ACAP2: variants seen among roughly 807,000 people sequenced by gnomAD.
ACAP2 encodes the protein arf-GAP with coiled-coil, ANK repeat and PH domain-containing protein 2.
ACAP2 carries 39 observed loss-of-function variants against 115.8 expected under a neutral mutation model. The ratio of observed to expected loss-of-function variants is 0.34; its 90% CI spans 0.26 to 0.44. The LOEUF is 0.44. ACAP2 is among the 20% of genes least tolerant of loss of function. The pLI is 1.00. For synonymous variants in ACAP2, 289 were observed against 315.8 expected (o/e 0.92, Z 0.90); for missense variants, 662 against 927.6 (o/e 0.71, Z 3.72).
intron 1 of ACAP2, among the ~76,000 whole-genome samples, chr3:195,412,607 C>T (rs562437854): frequency 5.9e-5 from 9 of 151,446 alleles, no homozygotes; most frequent in Admixed American, 6.6e-5. Flanking sequence ...CAAGACTCTA[C>T]CTCAAAAAAT....
intron 4 of ACAP2, among the ~76,000 whole-genome samples, chr3:195,380,454 T>C (rs1319835728): frequency 6.6e-6 from 1 of 152,180 alleles, no homozygotes; most frequent in Non-Finnish European, 1.5e-5. Flanking sequence ...TAAGCTGCCA[T>C]ATTTGCAGTA....
intron 20 of ACAP2, among the ~76,000 whole-genome samples, chr3:195,291,073 C>T (rs547004037): frequency 9.7e-4 from 147 of 152,160 alleles, no homozygotes; most frequent in Non-Finnish European, 1.8e-3. Flanking sequence ...TGCTTATCCA[C>T]CACATAATAA....
intron 1 of ACAP2, among the ~76,000 whole-genome samples, chr3:195,399,071 G>A (rs1473892450): frequency 6.6e-6 from 1 of 152,096 alleles, no homozygotes; most frequent in Non-Finnish European, 1.5e-5. Flanking sequence ...CATTACTTTT[G>A]CACCAATCTA....
chr3:195,416,922 A>G (rs1560349151), intron 1 of ACAP2, among the ~76,000 whole-genome samples: 1 of 151,224 alleles, frequency 6.6e-6, no homozygotes, highest in Non-Finnish European at 1.5e-5. Context: ...CAAGATCTCA[A>G]GTCTTTTTTT....
intron 4 of ACAP2, among the ~76,000 whole-genome samples, chr3:195,372,765 G>T (rs187557938): frequency 1.3e-5 from 2 of 152,032 alleles, no homozygotes; most frequent in Admixed American, 1.3e-4. Context: ...AGTGAGCTCT[G>T]ATCATACCAC....
chr3:195,306,867 C>A (rs73206677), intron 12 of ACAP2: 68,448 of 256,932 alleles, frequency 0.27, 10,972 homozygotes, highest in East Asian at 0.7. Context: ...AAAAAAAAAA[C>A]CACTTAAATT....
At chr3:195,390,067 G>A (rs1440461034) in intron 2 of ACAP2, among the ~76,000 whole-genome samples, 1 of 152,178 alleles carries the variant, frequency 6.6e-6, no homozygotes, top group Non-Finnish European at 1.5e-5. Context: ...ATAGTGGCGT[G>A]AGCCTGAGGT....
At chr3:195,327,033 C>A in intron 8 of ACAP2, 74 bp from the exon 9 acceptor site, 2 of 1,272,962 alleles carry the variant, frequency 1.6e-6, no homozygotes, top group Non-Finnish European at 2.2e-6. Flanking sequence ...TATTCCAAAT[C>A]ATTTCACAGA....
intron 1 of ACAP2, among the ~76,000 whole-genome samples, chr3:195,401,723 GT>G (rs1712316894): frequency 6.6e-6 from 1 of 152,132 alleles, no homozygotes; most frequent in East Asian, 1.9e-4. Flanking sequence ...AAAGCATTGA[GT>G]ACATAAGCAA....
chr3:195,289,123 G>A lies in ACAP2; in HGVS notation c.2172C>T (p.Thr724=), dbSNP rs1485899938. The change falls in exon 21 of 23, where the codon ACC becomes ACT. Residue 724 remains threonine, a splice_region_variant and synonymous_variant. Transcript: ENST00000326793. ...TCAAGTAAAAAGGAAGTACTTACAA[G>A]GTGACTATATCAGCATTGGCTGCTT... The part of the protein sequence containing the change: ...AVEAANADIV[T]LLRLARMNEE... The A allele has an allele frequency of 1.3e-5, 21 of 1,603,820 alleles. No individual in the cohort carries two copies. The East Asian group carries it at 4.2e-4, about 32-fold the overall frequency.
At chr3:195,328,787 A>G (rs1729970786) in intron 8 of ACAP2, among the ~76,000 whole-genome samples, 1 of 152,242 alleles carries the variant, frequency 6.6e-6, no homozygotes, top group Non-Finnish European at 1.5e-5. Flanking sequence ...TTGGTAAGAA[A>G]TGTCTCTTGC....
In ACAP2 at chr3:195,342,653, C is replaced by T; in HGVS notation, c.346G>A (p.Asp116Asn). 1 of 1,580,844 alleles carries T rather than the reference C, an allele frequency of 6.3e-7. No individual in the cohort carries two copies. The highest frequency in any genetic ancestry group is 1.2e-5 in the South Asian group (1 of 84,846). Residue 116 changes from aspartate to asparagine, a missense_variant and splice_region_variant, in exon 6 of 23, where the codon GAT (aspartate) becomes AAT (asparagine). Coordinates refer to ENST00000326793, the MANE Select transcript of ACAP2 (RefSeq NM_012287.6). Reference protein sequence around the residue: ...KAQLQNFVKEDLRKFKDAKKQ... With the variant: ...KAQLQNFVKENLRKFKDAKKQ... ...TTGGCATCTTTGAATTTTCTAAGAT[C>T]TCTAAGAAAAGAAAAACTTAGTGAA... is the stretch of plus-strand genomic sequence containing the variant.
intron 1 of ACAP2, among the ~76,000 whole-genome samples, chr3:195,438,291 G>T (rs1412029125): frequency 1.3e-5 from 2 of 151,546 alleles, no homozygotes; most frequent in African/African-American, 4.9e-5. Context: ...GCCTCCCAAA[G>T]TGCTAGGATT....
chr3:195,324,711 G>A (rs1040767789), intron 9 of ACAP2, among the ~76,000 whole-genome samples: 13 of 151,876 alleles, frequency 8.6e-5, no homozygotes, highest in Admixed American at 2.0e-4. Flanking sequence ...CAGAGATCGC[G>A]CCACTGCACT....
chr3:195,275,217 T>G lies in ACAP2; in HGVS notation c.*4111A>C, dbSNP rs1476858354. 2.0e-5 allele frequency: 3 copies of G among 152,478 alleles called. No individual in the cohort carries two copies. Among genetic ancestry groups the G allele is most frequent in the Non-Finnish European group, 4.4e-5 (3 of 68,016 alleles). 9.4% of individuals were successfully genotyped at this position (152,478 alleles called of 1,614,324 possible). On this transcript the variant is annotated 3_prime_UTR_variant, in exon 23 of 23. Transcript: ENST00000326793. ...AAATAAGAAAAGTTAGCAAATAAGA[T>G]AGTGAAAAGACCAATGCAGAGAAAA... is the stretch of plus-strand genomic sequence containing the variant.
At chr3:195,296,034 T>TA in intron 16 of ACAP2, 142 bp from the exon 17 acceptor site, 1 of 623,026 alleles carries the variant, frequency 1.6e-6, no homozygotes, top group Non-Finnish European at 2.7e-6. Flanking sequence ...ACATTATACA[T>TA]ATATATATTA....
intron 4 of ACAP2, among the ~76,000 whole-genome samples, chr3:195,361,118 C>T (rs1732337957): frequency 6.6e-6 from 1 of 151,980 alleles, no homozygotes; most frequent in African/African-American, 2.4e-5. Flanking sequence ...TCCTGAATGA[C>T]CAGTGGGTGA....
intron 1 of ACAP2, among the ~76,000 whole-genome samples, chr3:195,413,355 C>CA (rs900355870): frequency 6.6e-6 from 1 of 151,260 alleles, no homozygotes; most frequent in East Asian, 1.9e-4. Context: ...AAATATTTAC[C>CA]AAAAAAAATT....
At chr3:195,311,804 T>C (rs1728788724) in intron 10 of ACAP2, among the ~76,000 whole-genome samples, 1 of 152,206 alleles carries the variant, frequency 6.6e-6, no homozygotes, top group Non-Finnish European at 1.5e-5. Flanking sequence ...CCCAAAGTGC[T>C]GGGATTACAG....
Sources: allele counts gnomAD v4.1 joint callset (sites outside exome capture counted in the v4.1 genomes callset), GRCh38; gene constraint gnomAD v4.1.1; transcripts MANE v1.5; gene names NCBI Gene and HGNC (gene_info 2026-07-23, HGNC 2026-07-21).